SUCLG2: variants seen among roughly 807,000 people sequenced by gnomAD.
The protein encoded by SUCLG2 is succinate--CoA ligase [GDP-forming] subunit beta, mitochondrial.
In SUCLG2, 42 loss-of-function variants were observed where a neutral mutation model predicts 47.9. The observed-to-expected ratio is 0.88, with a 90% CI of 0.69 to 1.14. The LOEUF is 1.14. SUCLG2 is among the 50% of genes most tolerant of loss of function. The pLI, the probability that SUCLG2 is intolerant of heterozygous loss-of-function variation, is 0.00. For missense variants in SUCLG2, 571 were observed against 525.9 expected, an observed-to-expected ratio of 1.09 and a Z score of -0.84; for synonymous variants, 195 against 197.3, an observed-to-expected ratio of 0.99 and a Z score of 0.10.
chr3:67,646,384 C>G (rs958114231), intron 1 of SUCLG2, among the ~76,000 whole-genome samples: 5 of 152,162 alleles, frequency 3.3e-5, no homozygotes, highest in Non-Finnish European at 5.9e-5. Flanking sequence ...CACCTGAGGT[C>G]AGGAGTTGAA....
chr3:67,395,506 C>T lies in SUCLG2; in HGVS notation c.1183+5225G>A, dbSNP rs1273333797. On this transcript the variant is annotated intron_variant, in intron 10 of 10. Coordinates refer to ENST00000307227, the MANE Select transcript of SUCLG2 (RefSeq NM_003848.4). The stretch of plus-strand genomic sequence containing the variant: ...AATATATATGCACCCAATACAGGAG[C>T]ACCCAGATTCATAAAGCAAGTCCTG... 2.0e-5 allele frequency among the ~76,000 whole-genome samples: 3 copies of T among 152,142 alleles called. 1 individual carries two copies. Among genetic ancestry groups the T allele is most frequent in the Admixed American group, 2.0e-4 (3 of 15,282 alleles).
At chr3:67,600,372 G>C (rs898789112) in intron 2 of SUCLG2, among the ~76,000 whole-genome samples, 1 of 152,228 alleles carries the variant, frequency 6.6e-6, no homozygotes, top group African/African-American at 2.4e-5. Context: ...AACTTGGTGA[G>C]TGCCTCATTT....
At chr3:67,535,658 C>A (rs899729142) in intron 2 of SUCLG2, among the ~76,000 whole-genome samples, 2 of 152,154 alleles carry the variant, frequency 1.3e-5, no homozygotes, top group African/African-American at 2.4e-5. Context: ...TAGACTAAGA[C>A]ACCAAGCATC....
Position 67,510,889 on chromosome 3 carries a change from C to CTT in SUCLG2, c.661-1988_661-1987dup, listed in dbSNP as rs369542916. Among the ~76,000 whole-genome samples the CTT allele has an allele frequency of 2.1e-3, 258 of 124,116 alleles. 4 individuals carry two copies. The East Asian group carries it at 0.022, about 11-fold the overall frequency. The allele number at this position is 124,116 out of a possible 152,430, so 81.4% of individuals were successfully genotyped here. A position where few individuals can be genotyped will look rare whatever the true frequency, so the allele number is the denominator to read the frequency against. On this transcript the variant is annotated intron_variant, in intron 6 of 10. Transcript: ENST00000307227. ...CATCAAAAGGTTCTGTTAAATTGTT[C>CTT]TTTTTTTTTTTTTTTTTTTTGAGAC...
chr3:67,580,916 C>T (rs1707864310), intron 2 of SUCLG2, among the ~76,000 whole-genome samples: 1 of 152,164 alleles, frequency 6.6e-6, no homozygotes, highest in Non-Finnish European at 1.5e-5. Flanking sequence ...AACATGCAAT[C>T]ATCCTAAATG....
At chr3:67,434,894 T>C (rs572666724) in intron 9 of SUCLG2, among the ~76,000 whole-genome samples, 1 of 152,284 alleles carries the variant, frequency 6.6e-6, no homozygotes, top group South Asian at 2.1e-4. Context: ...ATTGTACCAG[T>C]TCTTAAATGT....
In SUCLG2 at chr3:67,525,582, C is replaced by T. The variant is rs578159458; in HGVS notation, c.417+2550G>A. Among the ~76,000 whole-genome samples the T allele has an allele frequency of 3.3e-5, 5 of 152,112 alleles. No individual in the cohort carries two copies. In the East Asian group the frequency reaches 9.6e-4, roughly 29 times the overall value. On this transcript the variant is annotated intron_variant, in intron 4 of 10. Coordinates refer to ENST00000307227, the MANE Select transcript of SUCLG2 (RefSeq NM_003848.4). ...TAATTGAATATCATAGCCCTTTTGCCCCTTAAAAAATAACCTTGACCTAAG... is the reference window on the plus strand; with the variant it reads ...TAATTGAATATCATAGCCCTTTTGCTCCTTAAAAAATAACCTTGACCTAAG...
intron 9 of SUCLG2, among the ~76,000 whole-genome samples, chr3:67,425,841 G>A (rs2106871174): frequency 6.6e-6 from 1 of 152,306 alleles, no homozygotes; most frequent in South Asian, 2.1e-4. Context: ...TGGACACCAT[G>A]ATACTGCATA....
intron 1 of SUCLG2, among the ~76,000 whole-genome samples, chr3:67,649,978 C>T (rs1483720859): frequency 6.6e-6 from 1 of 152,166 alleles, no homozygotes; most frequent in East Asian, 1.9e-4. Context: ...CACTCAATCA[C>T]TCACCCATAA....
chr3:67,556,621 T>C (rs1309009352), intron 2 of SUCLG2, among the ~76,000 whole-genome samples: 2 of 152,206 alleles, frequency 1.3e-5, no homozygotes, highest in Non-Finnish European at 2.9e-5. Context: ...TGTATCTGCA[T>C]ATATTTCTTG....
intron 9 of SUCLG2, among the ~76,000 whole-genome samples, chr3:67,422,385 G>C (rs935136618): frequency 3.5e-5 from 5 of 142,622 alleles, no homozygotes; most frequent in Admixed American, 1.5e-4. Context: ...TGAGGCAGGA[G>C]AATCGCTTGA....
intron 9 of SUCLG2, among the ~76,000 whole-genome samples, chr3:67,406,046 C>T (rs1052840326): frequency 1.3e-5 from 2 of 152,136 alleles, no homozygotes; most frequent in Non-Finnish European, 2.9e-5. Flanking sequence ...TCTTTGTGTT[C>T]ATTACCACAA....
chr3:67,623,266 C>T (rs1700765665), intron 1 of SUCLG2, among the ~76,000 whole-genome samples: 1 of 152,016 alleles, frequency 6.6e-6, no homozygotes, highest in Admixed American at 6.6e-5. Flanking sequence ...TTTGGGAGGC[C>T]AAAGCGGGTG....
intron 9 of SUCLG2, among the ~76,000 whole-genome samples, chr3:67,443,558 A>G (rs1464070059): frequency 3.4e-5 from 2 of 59,070 alleles, no homozygotes; most frequent in Non-Finnish European, 3.7e-5. Context: ...CCCAGTCTGG[A>G]AAGTGAGGAG....
chr3:67,467,307 A>G (rs1031381913), intron 9 of SUCLG2, among the ~76,000 whole-genome samples: 1 of 152,234 alleles, frequency 6.6e-6, no homozygotes, highest in African/African-American at 2.4e-5. Flanking sequence ...CTCACCTGAA[A>G]TATTGAGGAA....
chr3:67,387,002 C>T (rs1702274884), intron 10 of SUCLG2, among the ~76,000 whole-genome samples: 1 of 151,364 alleles, frequency 6.6e-6, no homozygotes, highest in Non-Finnish European at 1.5e-5. Context: ...TCTTCTTCCA[C>T]TCTCTGCCAC....
intron 9 of SUCLG2, among the ~76,000 whole-genome samples, chr3:67,493,419 G>A (rs1363808694): frequency 6.6e-6 from 1 of 152,088 alleles, no homozygotes; most frequent in Admixed American, 6.6e-5. Flanking sequence ...AAAAAAAGTT[G>A]AAATAATCCA....
chr3:67,582,030 T>C (rs1047111963), intron 2 of SUCLG2, among the ~76,000 whole-genome samples: 4 of 152,206 alleles, frequency 2.6e-5, no homozygotes, highest in African/African-American at 7.2e-5. Flanking sequence ...CCAAGCTAGA[T>C]CCTTTGAAAG....
chr3:67,445,617 A>C (rs1310098493), intron 9 of SUCLG2, among the ~76,000 whole-genome samples: 1 of 8,064 alleles, frequency 1.2e-4, no homozygotes, highest in African/African-American at 4.5e-4. Flanking sequence ...ATTATCAATA[A>C]AAAAATAAAT....
Sources: gnomAD v4.1 joint callset for allele counts (sites outside exome capture counted in the v4.1 genomes callset) on GRCh38, gnomAD v4.1.1 for gene constraint, MANE v1.5 for transcripts, NCBI Gene and HGNC (gene_info 2026-07-23, HGNC 2026-07-21) for gene names.